Variants in RBM19 observed in about 807,000 individuals in gnomAD.
RBM19 encodes probable RNA-binding protein 19.
RBM19 carries 94 observed loss-of-function variants against 116.8 expected under a neutral mutation model. The ratio of observed to expected loss-of-function variants is 0.80; its 90% confidence interval spans 0.68 to 0.95. RBM19 has a LOEUF of 0.95. Ranked by LOEUF, RBM19 falls within the 40% of genes least tolerant of loss-of-function variation. The pLI, the probability that RBM19 is intolerant of heterozygous loss-of-function variation, is 0.00. For missense variants in RBM19, 1,161 were observed against 1,220.7 expected (o/e 0.95, Z 0.73); for synonymous variants, 475 against 494.1 (o/e 0.96, Z 0.51).
chr12:113,907,182 G>A (rs994259008), intron 21 of RBM19, among the ~76,000 whole-genome samples: 1 of 152,132 alleles, frequency 6.6e-6, no homozygotes, highest in African/African-American at 2.4e-5. Context: ...AACTGGTACT[G>A]GTCTTATTCT....
chr12:113,924,885 A>G lies in RBM19; in HGVS notation c.2245-128T>C, dbSNP rs1005119258. ...GGGGTCCCAAAAACATTTTGAGGTG[A>G]TGAGTGATGACCTCCTTTAAGTAAC... is the stretch of plus-strand genomic sequence containing the variant. On this transcript the variant is annotated intron_variant, in intron 17 of 23. Transcript: ENST00000261741. 1.2e-5 allele frequency: 9 copies of G among 757,310 alleles called. 1 individual carries two copies. In the Admixed American group the frequency reaches 1.7e-4, roughly 15 times the overall value. The allele number at this position is 757,310 out of a possible 1,614,324, so 46.9% of individuals were successfully genotyped here.
chr12:113,911,478 A>G (rs890072535), intron 21 of RBM19, among the ~76,000 whole-genome samples: 2 of 152,238 alleles, frequency 1.3e-5, no homozygotes, highest in African/African-American at 4.8e-5. Flanking sequence ...GGTTCTGTCT[A>G]TAAACTCAGA....
chr12:113,846,177 G>T (rs151251615), intron 22 of RBM19, among the ~76,000 whole-genome samples: 1 of 152,214 alleles, frequency 6.6e-6, no homozygotes, highest in Admixed American at 6.5e-5. Context: ...GGAGAGCAAC[G>T]GTGGCTAAGA....
chr12:113,879,799 A>G (rs1034965625), intron 21 of RBM19, among the ~76,000 whole-genome samples: 1 of 151,986 alleles, frequency 6.6e-6, no homozygotes, highest in Admixed American at 6.6e-5. Flanking sequence ...TGGCACAAAT[A>G]GCACCCTCCT....
intron 21 of RBM19, among the ~76,000 whole-genome samples, chr12:113,883,042 C>CAG (rs567200530): frequency 2.8e-4 from 42 of 149,784 alleles, no homozygotes; most frequent in African/African-American, 5.6e-4. Context: ...GAAAGAGAGA[C>CAG]AGAGAGAGAG....
At chr12:113,872,365 CCGGCAGCCACCCCGTCCGGGAGGGAGG>C (rs1304620199) in intron 21 of RBM19, among the ~76,000 whole-genome samples, 12 of 151,200 alleles carry the variant, frequency 7.9e-5, no homozygotes, top group Admixed American at 3.3e-4. Context: ...GCCTCTCTGC[CCGGCAGCCACCCCGTCCGGGAGGGAGG>C]TGGGGGGGTC....
rs1295481467 is a variant in RBM19, at chr12:113,962,252, T to C, written c.199A>G (p.Ile67Val). 7.4e-6 allele frequency: 12 copies of C among 1,614,166 alleles called. No individual in the cohort carries two copies. Among genetic ancestry groups the C allele is most frequent in the East Asian group, 4.5e-5 (2 of 44,900 alleles). Residue 67 changes from isoleucine (I) to valine (V), a missense_variant, in exon 2 of 24, where the codon ATC becomes GTC. Transcript: ENST00000261741. The part of the protein sequence containing the change: ...KAQKHFNKSF[I>V]DTSRITVEFC... ...CTCACTGTGATCCGGGATGTGTCGA[T>C]GAAGCTCTTGTTGAAATGCTTCTGT...
intron 13 of RBM19, among the ~76,000 whole-genome samples, chr12:113,943,408 G>C (rs1180774189): frequency 6.6e-6 from 1 of 152,084 alleles, no homozygotes; most frequent in African/African-American, 2.4e-5. Context: ...CTCAGTATGT[G>C]AAATGCAACG....
At chr12:113,839,285 A>G (rs2135709339) in intron 23 of RBM19, among the ~76,000 whole-genome samples, 1 of 152,368 alleles carries the variant, frequency 6.6e-6, no homozygotes, top group South Asian at 2.1e-4. Context: ...CCAGGAGGGC[A>G]GGAGGCCAGC....
intron 23 of RBM19, among the ~76,000 whole-genome samples, chr12:113,842,747 G>A (rs1321479870): frequency 6.6e-6 from 1 of 152,186 alleles, no homozygotes; most frequent in Non-Finnish European, 1.5e-5. Flanking sequence ...TGGAGGGGGA[G>A]GGAAAGCGAA....
rs188119415 is a variant in RBM19, at chr12:113,881,915, C to T, written c.2559-23019G>A. ...TAGAAGCAAAGCCTTCCTGCAGAGA[C>T]GACCCACATGCCCTCCACCCATGGG... On this transcript the variant is annotated intron_variant, in intron 21 of 23. Transcript: ENST00000261741. 6.6e-5 allele frequency among the ~76,000 whole-genome samples: 10 copies of T among 152,262 alleles called. 1 individual carries two copies. Among genetic ancestry groups the T allele is most frequent in the African/African-American group, 2.2e-4 (9 of 41,470 alleles).
At chr12:113,952,867 C>G (rs1175306494) in intron 7 of RBM19, among the ~76,000 whole-genome samples, 1 of 152,162 alleles carries the variant, frequency 6.6e-6, no homozygotes, top group African/African-American at 2.4e-5. Flanking sequence ...CTGTTTCCCC[C>G]CTAGATAATT....
At chr12:113,884,925 A>G (rs78588014) in intron 21 of RBM19, among the ~76,000 whole-genome samples, 12 of 147,682 alleles carry the variant, frequency 8.1e-5, no homozygotes, top group Non-Finnish European at 1.5e-4. Context: ...TGATAAAAAA[A>G]TAAGAAAATA....
intron 21 of RBM19, among the ~76,000 whole-genome samples, chr12:113,879,446 T>TATATATATATATATATATATATATAC (rs893952657): frequency 3.5e-5 from 5 of 142,328 alleles, no homozygotes; most frequent in East Asian, 3.0e-4. Context: ...TATATATATA[T>TATATATATATATATATATATATATAC]ATATGGACTT....
In RBM19 at chr12:113,867,876, C is replaced by A. The variant is rs1463520254; in HGVS notation, c.2559-8980G>T. Among the ~76,000 whole-genome samples, 15 of 152,006 alleles carry A rather than the reference C, an allele frequency of 9.9e-5. No homozygotes were observed. In the East Asian group the frequency reaches 2.9e-3, roughly 29 times the overall value. On this transcript the variant is annotated intron_variant, in intron 21 of 23. Coordinates refer to ENST00000261741, the MANE Select transcript of RBM19 (RefSeq NM_016196.4). Reference sequence around the variant, plus strand: ...CCCGGAAGGTGGAGATTACAGAGAGCCGAGATTGCACCACTGCACTCTAGC... The same window carrying A: ...CCCGGAAGGTGGAGATTACAGAGAGACGAGATTGCACCACTGCACTCTAGC...
intron 21 of RBM19, among the ~76,000 whole-genome samples, chr12:113,871,569 T>G (rs571434380): frequency 1.3e-5 from 2 of 152,310 alleles, no homozygotes; most frequent in Admixed American, 6.5e-5. Context: ...TAGGTGCCAG[T>G]GAAACTTTAT....
chr12:113,892,708 G>C (rs938525222), intron 21 of RBM19, among the ~76,000 whole-genome samples: 1 of 152,164 alleles, frequency 6.6e-6, no homozygotes, highest in Admixed American at 6.5e-5. Flanking sequence ...CACTCAAAAG[G>C]TTTATTAAAA....
Position 113,963,569 on chromosome 12 carries a change from A to G in RBM19, c.37-1155T>C, listed in dbSNP as rs575938320. ...TTAGGAATTTTTGTCCACATTTTATAGAGAAAATGAAACTCATAAGGGATA... is the reference window on the plus strand; with the variant it reads ...TTAGGAATTTTTGTCCACATTTTATGGAGAAAATGAAACTCATAAGGGATA... On this transcript the variant is annotated intron_variant, in intron 1 of 23. Transcript: ENST00000261741. 2.0e-5 allele frequency among the ~76,000 whole-genome samples: 3 copies of G among 152,364 alleles called. No individual in the cohort carries two copies. The South Asian group carries it at 6.2e-4, about 32-fold the overall frequency.
chr12:113,950,746 C>T (rs1260182867), intron 8 of RBM19, among the ~76,000 whole-genome samples: 1 of 152,166 alleles, frequency 6.6e-6, no homozygotes, highest in Non-Finnish European at 1.5e-5. Flanking sequence ...TAATAGCTGG[C>T]AATGTCTAAT....
Sources: gnomAD v4.1 joint callset for allele counts (sites outside exome capture counted in the v4.1 genomes callset) on GRCh38, gnomAD v4.1.1 for gene constraint, MANE v1.5 for transcripts, NCBI Gene and HGNC (gene_info 2026-07-23, HGNC 2026-07-21) for gene names.